The following CADPS2 variants were observed in gnomAD, a reference collection of about 807,000 sequenced individuals.
CADPS2 encodes the protein calcium dependent secretion activator 2, also known as calcium-dependent secretion activator 2.
In CADPS2, 93 loss-of-function variants were observed where a neutral mutation model predicts 172.5. That is an observed-to-expected ratio of 0.54 (90% CI 0.46 to 0.64). CADPS2 has a LOEUF of 0.64. Ranked by LOEUF, CADPS2 falls within the 30% of genes least tolerant of loss-of-function variation. CADPS2 has a pLI of 0.00. For missense variants in CADPS2, 1,420 were observed against 1,565.9 expected (o/e 0.91, Z 1.57); for synonymous variants, 546 against 555.2 (o/e 0.98, Z 0.23).
intron 27 of CADPS2, among the ~76,000 whole-genome samples, chr7:122,359,212 A>C (rs2039814497): frequency 6.6e-6 from 1 of 152,148 alleles, no homozygotes. Context: ...GAAAATTGTC[A>C]TTAAATATGC....
chr7:122,412,348 G>T (rs2047410793), intron 19 of CADPS2, among the ~76,000 whole-genome samples: 1 of 152,032 alleles, frequency 6.6e-6, no homozygotes, highest in South Asian at 2.1e-4. Context: ...TATTCCTTAG[G>T]CATGCATGCC....
chr7:122,630,522 G>A (rs1342394383), intron 3 of CADPS2, among the ~76,000 whole-genome samples: 1 of 152,084 alleles, frequency 6.6e-6, no homozygotes, highest in Non-Finnish European at 1.5e-5. Flanking sequence ...GAGAGAAGCA[G>A]GGCAACTTCA....
At chr7:122,832,148 T>C (rs1347225642) in intron 1 of CADPS2, among the ~76,000 whole-genome samples, 1 of 152,176 alleles carries the variant, frequency 6.6e-6, no homozygotes, top group African/African-American at 2.4e-5. Context: ...TCTAGTCTCA[T>C]GGTGAACAAA....
intron 1 of CADPS2, among the ~76,000 whole-genome samples, chr7:122,834,671 C>T (rs181097623): frequency 6.6e-5 from 10 of 152,302 alleles, no homozygotes; most frequent in South Asian, 2.1e-4. Context: ...CCCACACCCA[C>T]GGAGCCTTGC....
At chr7:122,536,447 C>T (rs924362114) in intron 8 of CADPS2, among the ~76,000 whole-genome samples, 5 of 152,026 alleles carry the variant, frequency 3.3e-5, no homozygotes, top group Middle Eastern at 3.4e-3. Context: ...ATCAATTGGG[C>T]CCATAAAAGA....
intron 25 of CADPS2, among the ~76,000 whole-genome samples, chr7:122,366,486 T>C (rs2151196544): frequency 6.7e-6 from 1 of 148,556 alleles, no homozygotes; most frequent in South Asian, 2.1e-4. Context: ...GCGCCTGAAA[T>C]CCCAGCTACT....
chr7:122,488,273 G>C (rs755006115), intron 11 of CADPS2, among the ~76,000 whole-genome samples: 26 of 152,158 alleles, frequency 1.7e-4, no homozygotes, highest in Non-Finnish European at 2.5e-4. Context: ...TTCTACCCGG[G>C]GTTGAGGGAG....
intron 5 of CADPS2, among the ~76,000 whole-genome samples, chr7:122,616,370 T>C (rs1354227867): frequency 6.6e-6 from 1 of 152,090 alleles, no homozygotes; most frequent in African/African-American, 2.4e-5. Flanking sequence ...AGAGTCATGA[T>C]AAGAATTTTG....
chr7:122,353,069 G>A (rs2038901630), intron 27 of CADPS2, among the ~76,000 whole-genome samples: 1 of 152,132 alleles, frequency 6.6e-6, no homozygotes, highest in Non-Finnish European at 1.5e-5. Flanking sequence ...TTCTCATAAT[G>A]AGGGAGGCAG....
chr7:122,816,414 T>A (rs1801426262), intron 1 of CADPS2, among the ~76,000 whole-genome samples: 1 of 152,224 alleles, frequency 6.6e-6, no homozygotes. Flanking sequence ...TGGGTACATG[T>A]GCACATTTTC....
At chr7:122,855,167 T>C (rs185622015) in intron 1 of CADPS2, among the ~76,000 whole-genome samples, 134 of 152,288 alleles carry the variant, frequency 8.8e-4, no homozygotes, top group African/African-American at 3.1e-3. Flanking sequence ...AGGGTTGCTA[T>C]TTTCCTGGAG....
At chr7:122,826,533 A>T (rs1389787278) in intron 1 of CADPS2, among the ~76,000 whole-genome samples, 1 of 152,214 alleles carries the variant, frequency 6.6e-6, no homozygotes, top group Admixed American at 6.5e-5. Flanking sequence ...AATAAAAAAT[A>T]AACAATCATA....
intron 2 of CADPS2, among the ~76,000 whole-genome samples, chr7:122,722,220 G>C (rs921640479): frequency 5.3e-5 from 8 of 151,782 alleles, no homozygotes; most frequent in African/African-American, 1.9e-4. Context: ...AGAAAGAAAG[G>C]GTATTCAATT....
chr7:122,464,542 C>T (rs1316952767), intron 14 of CADPS2, among the ~76,000 whole-genome samples: 1 of 152,078 alleles, frequency 6.6e-6, no homozygotes, highest in African/African-American at 2.4e-5. Flanking sequence ...ATAAAAATGA[C>T]ATCTTTACAG....
At chr7:122,645,612 ACACT>A (rs1212962784) in intron 3 of CADPS2, among the ~76,000 whole-genome samples, 1 of 135,624 alleles carries the variant, frequency 7.4e-6, no homozygotes, top group East Asian at 2.2e-4. Context: ...ATATACACAC[ACACT>A]AAGATACATA....
chr7:122,569,234 A>C (rs1245900834), intron 7 of CADPS2, among the ~76,000 whole-genome samples: 1 of 152,178 alleles, frequency 6.6e-6, no homozygotes, highest in East Asian at 1.9e-4. Flanking sequence ...TTATACACCA[A>C]TAACAGACAA....
chr7:122,482,434 C>T (rs2057401623), intron 11 of CADPS2, among the ~76,000 whole-genome samples: 1 of 151,984 alleles, frequency 6.6e-6, no homozygotes, highest in African/African-American at 2.4e-5. Flanking sequence ...CACTCCCTGC[C>T]CCAAAACAAA....
chr7:122,650,623 A>C (rs1405168345), intron 3 of CADPS2, among the ~76,000 whole-genome samples: 1 of 152,214 alleles, frequency 6.6e-6, no homozygotes, highest in Non-Finnish European at 1.5e-5. Context: ...TCAACAAAAC[A>C]TTTTAGCAGA....
chr7:122,369,765 C>T (rs1187738572), intron 25 of CADPS2: 1 of 152,170 alleles, frequency 6.6e-6, no homozygotes, highest in Non-Finnish European at 1.5e-5. Context: ...CCTAAGAGTA[C>T]TCCTTACTAT....
Sources: allele counts gnomAD v4.1 joint callset (sites outside exome capture counted in the v4.1 genomes callset), GRCh38; gene constraint gnomAD v4.1.1; transcripts MANE v1.5; gene names NCBI Gene and HGNC (gene_info 2026-07-23, HGNC 2026-07-21).